Variants in ELF4 observed in about 807,000 individuals in gnomAD.
ELF4 encodes the protein ETS-related transcription factor Elf-4.
ELF4 carries 10 observed loss-of-function variants against 31.7 expected under a neutral mutation model. The ratio of observed to expected loss-of-function variants is 0.32; its 90% confidence interval spans 0.19 to 0.54. The LOEUF is 0.54. Ranked by LOEUF, ELF4 falls within the 20% of genes least tolerant of loss-of-function variation. ELF4 has a pLI of 0.95. For synonymous variants in ELF4, 208 were observed against 226.7 expected, an observed-to-expected ratio of 0.92 and a Z score of 0.74; for missense variants, 418 against 522.0, an observed-to-expected ratio of 0.80 and a Z score of 1.94.
intron 2 of ELF4, among the ~76,000 whole-genome samples, chrX:130,078,762 T>TCTACAC (rs1245337715): frequency 1.2e-5 from 1 of 84,886 alleles, no homozygotes; most frequent in African/African-American, 4.6e-5. Context: ...TCTCTCTCTC[T>TCTACAC]ACACACACAC....
intron 1 of ELF4, among the ~76,000 whole-genome samples, chrX:130,083,696 A>C (rs1195482515): frequency 1.8e-5 from 2 of 111,758 alleles, no homozygotes; most frequent in Admixed American, 9.5e-5. Context: ...GGGCAGCAAC[A>C]ACTGTGTTGG....
Position 130,069,482 on chromosome X carries a change from T to C in ELF4, c.1005A>G (p.Ser335=), listed in dbSNP as rs778034452. The C allele has an allele frequency of 4.1e-6, 5 of 1,212,096 alleles. No homozygotes were observed. Among genetic ancestry groups the C allele is most frequent in the African/African-American group, 1.7e-5 (1 of 57,996 alleles). ...CCTTGCCCTGGGGGGCAGATCTGGATGAGACCCTGGAGCTGGTTCGCCGGG... is the reference window on the plus strand; with the variant it reads ...CCTTGCCCTGGGGGGCAGATCTGGACGAGACCCTGGAGCTGGTTCGCCGGG... The part of the protein sequence containing the change: ...STTRRTSSRV[S]SRSAPQGKGS... Residue 335 remains serine, a synonymous_variant, in exon 8 of 9, where the codon TCA becomes TCG. Coordinates refer to ENST00000308167, the MANE Select transcript of ELF4 (RefSeq NM_001421.4).
In ELF4 at chrX:130,066,257, C is replaced by G; in HGVS notation, c.*464G>C. The G allele has an allele frequency of 5.4e-6, 1 of 186,315 alleles. No homozygotes were observed. The highest frequency in any genetic ancestry group is 7.8e-5 in the East Asian group (1 of 12,800). The allele number at this position is 186,315 out of a possible 1,213,427, so 15.4% of individuals were successfully genotyped here. ...ATACACACACCCTTGGAGACAAGAC[C>G]TCACAGCTACAGCCCTGTCCTCCCC... On this transcript the variant is annotated 3_prime_UTR_variant, in exon 9 of 9. Transcript: ENST00000308167.
chrX:130,081,564 CAGTG>C, intron 1 of ELF4, 25 bp from the exon 2 acceptor site: 1 of 439,216 alleles, frequency 2.3e-6, no homozygotes, highest in African/African-American at 2.4e-5. Context: ...GAGATGGGGA[CAGTG>C]AGTAAGTCAC....
At position 130,066,452 on chromosome X, in the gene ELF4, C is replaced by A; in HGVS notation, c.*269G>T. On this transcript the variant is annotated 3_prime_UTR_variant, in exon 9 of 9. Transcript: ENST00000308167. Reference sequence around the variant, plus strand: ...ACCCTGGCCACAAACTTCTGCCTGGCTCAAGGCTTTTTCCCTCCATCACCA... The same window carrying A: ...ACCCTGGCCACAAACTTCTGCCTGGATCAAGGCTTTTTCCCTCCATCACCA... The A allele has an allele frequency of 2.6e-6, 1 of 381,069 alleles. No individual in the cohort carries two copies. The highest frequency in any genetic ancestry group is 4.5e-6 in the Non-Finnish European group (1 of 220,069). 31.4% of individuals were successfully genotyped at this position (381,069 alleles called of 1,213,427 possible). A position where few individuals can be genotyped will look rare whatever the true frequency, so the allele number is the denominator to read the frequency against.
chrX:130,080,890 G>C (rs1165618483), intron 2 of ELF4, among the ~76,000 whole-genome samples: 1 of 112,785 alleles, frequency 8.9e-6, no homozygotes, highest in African/African-American at 3.2e-5. Flanking sequence ...CACTTTGAGA[G>C]AAGAGAAGTG....
chrX:130,093,306 G>GAA (rs5903792), intron 1 of ELF4, among the ~76,000 whole-genome samples: 1 of 90,254 alleles, frequency 1.1e-5, no homozygotes, highest in Non-Finnish European at 2.2e-5. Flanking sequence ...CTCTGTCTCA[G>GAA]AAAAAAAAAA....
chrX:130,081,604 TG>T, intron 1 of ELF4, 65 bp from the exon 2 acceptor site: 1 of 403,077 alleles, frequency 2.5e-6, no homozygotes, highest in Non-Finnish European at 4.4e-6. Context: ...TTGCCAGAAC[TG>T]CCTATGAACC....
At chrX:130,086,031 C>A (rs995086994) in intron 1 of ELF4, among the ~76,000 whole-genome samples, 2 of 111,954 alleles carry the variant, frequency 1.8e-5, no homozygotes, top group Admixed American at 9.5e-5. Flanking sequence ...CACCCATCCA[C>A]AGGACTTGAA....
chrX:130,095,716 A>G lies in ELF4; in HGVS notation c.-209-14177T>C, dbSNP rs1236423351. Among the ~76,000 whole-genome samples, 4 of 111,756 alleles carry G rather than the reference A, an allele frequency of 3.6e-5. No individual in the cohort carries two copies. In the Admixed American group the frequency reaches 3.8e-4, roughly 11 times the overall value. ...GTGGAGGGGGAGCCTTCCAGCTCTGATGATGTGGAGGCCGACTCTTCCTAT... is the reference window on the plus strand; with the variant it reads ...GTGGAGGGGGAGCCTTCCAGCTCTGGTGATGTGGAGGCCGACTCTTCCTAT... On this transcript the variant is annotated intron_variant, in intron 1 of 8. Coordinates refer to ENST00000308167, the MANE Select transcript of ELF4 (RefSeq NM_001421.4).
At position 130,066,395 on chromosome X, in the gene ELF4, A is replaced by C; in HGVS notation, c.*326T>G. 1 of 321,305 alleles carries C rather than the reference A, an allele frequency of 3.1e-6. No homozygotes were observed. Among genetic ancestry groups the C allele is most frequent in the Non-Finnish European group, 5.4e-6 (1 of 183,657 alleles). 26.5% of individuals were successfully genotyped at this position (321,305 alleles called of 1,213,427 possible). A position where few individuals can be genotyped will look rare whatever the true frequency, so the allele number is the denominator to read the frequency against. ...TGCAGCCAGTGAGATAGAGCCAGGT[A>C]GAAGGGCTCTTCTCACAAAGCTGCT... On this transcript the variant is annotated 3_prime_UTR_variant, in exon 9 of 9. Coordinates refer to ENST00000308167, the MANE Select transcript of ELF4 (RefSeq NM_001421.4).
In ELF4 at chrX:130,081,494, C is replaced by A. The variant is rs903064361; in HGVS notation, c.-164G>T. 1 of 559,927 alleles carries A rather than the reference C, an allele frequency of 1.8e-6. No homozygotes were observed. Among genetic ancestry groups the A allele is most frequent in the Non-Finnish European group, 3.0e-6 (1 of 332,878 alleles). 46.1% of individuals were successfully genotyped at this position (559,927 alleles called of 1,213,427 possible). On this transcript the variant is annotated 5_prime_UTR_variant, in exon 2 of 9. Transcript: ENST00000308167. ...GAGCTGGAGTAGGTGGTGGCCTAAG[C>A]CAGGCTCAAGGCTGCATTCTGGGCT...
Position 130,064,005 on chromosome X carries a change from A to ATTATTATT in ELF4, c.*2715_*2716insAATAATAA, listed in dbSNP as rs1314805728. ...TATTATTATTATTATTATTATTATT[A>ATTATTATT]TTATTATACTTTAAGTTCTGGGATA... On this transcript the variant is annotated 3_prime_UTR_variant, in exon 9 of 9. Coordinates refer to ENST00000308167, the MANE Select transcript of ELF4 (RefSeq NM_001421.4). 9.6e-6 allele frequency among the ~76,000 whole-genome samples: 1 copy of ATTATTATT among 104,549 alleles called. No individual in the cohort carries two copies. The highest frequency in any genetic ancestry group is 1.1e-4 in the Admixed American group (1 of 9,153). The allele number at this position is 104,549 out of a possible 115,157, so 90.8% of individuals were successfully genotyped here. A position where few individuals can be genotyped will look rare whatever the true frequency, so the allele number is the denominator to read the frequency against.
chrX:130,108,064 C>T (rs1487101471), intron 1 of ELF4, among the ~76,000 whole-genome samples: 1 of 111,840 alleles, frequency 8.9e-6, no homozygotes, highest in African/African-American at 3.3e-5. Context: ...CAAAATTAGC[C>T]GGGCGTGGTG....
chrX:130,107,907 C>A (rs187480782), intron 1 of ELF4, among the ~76,000 whole-genome samples: 21 of 112,737 alleles, frequency 1.9e-4, no homozygotes, highest in African/African-American at 6.4e-4. Flanking sequence ...CCTAGACAGC[C>A]AGGCTTTAAG....
At position 130,065,419 on chromosome X, in the gene ELF4, C is replaced by G. The variant is rs1357449524; in HGVS notation, c.*1302G>C. The G allele has an allele frequency of 5.8e-6, 1 of 173,906 alleles. No homozygotes were observed. Among genetic ancestry groups the G allele is most frequent in the African/African-American group, 3.0e-5 (1 of 33,810 alleles). The allele number at this position is 173,906 out of a possible 1,213,427, so 14.3% of individuals were successfully genotyped here. The stretch of plus-strand genomic sequence containing the variant: ...CCACGGGAACTCCTGGCTGCCGACT[C>G]CCGTCTTCTTGGTGAAGGAGTCAGG... On this transcript the variant is annotated 3_prime_UTR_variant, in exon 9 of 9. Coordinates refer to ENST00000308167, the MANE Select transcript of ELF4 (RefSeq NM_001421.4).
At chrX:130,102,976 A>G (rs1335586771) in intron 1 of ELF4, among the ~76,000 whole-genome samples, 2 of 100,603 alleles carry the variant, frequency 2.0e-5, no homozygotes, top group Non-Finnish European at 4.0e-5. Context: ...GGAAGGAAGG[A>G]AGGAAGGAAG....
chrX:130,102,940 G>A (rs777705377), intron 1 of ELF4, among the ~76,000 whole-genome samples: 4 of 94,769 alleles, frequency 4.2e-5, no homozygotes, highest in African/African-American at 1.3e-4. Context: ...AGGAGGGAGG[G>A]AGGAAGGAAG....
At position 130,072,237 on chromosome X, in the gene ELF4, G is replaced by A. The variant is rs1255796188; in HGVS notation, c.521C>T (p.Ser174Leu). The A allele has an allele frequency of 8.3e-7, 1 of 1,200,517 alleles. No individual in the cohort carries two copies. Among genetic ancestry groups the A allele is most frequent in the South Asian group, 1.8e-5 (1 of 56,828 alleles). Residue 174 changes from serine (S) to leucine (L), a missense_variant, in exon 5 of 9, where the codon TCA (serine) becomes TTA (leucine). Around this residue, in one of 4 missense-constraint regions of ELF4, gnomAD observed 88 missense variants for 92.4 expected, o/e 0.95. Coordinates refer to ENST00000308167, the MANE Select transcript of ELF4 (RefSeq NM_001421.4). The part of the protein sequence containing the change: ...REESAKKTGK[S>L]KKRIRKTKGN... ...TCTCCCCCACTTACTTCTCTTCTTT[G>A]ATTTCCCAGTCTTCTTGGCACTTTC...
Sources: gnomAD v4.1 joint callset for allele counts (sites outside exome capture counted in the v4.1 genomes callset) on GRCh38, gnomAD v4.1.1 for gene constraint, gnomAD v4.1.1 regional missense constraint, MANE v1.5 for transcripts, NCBI Gene and HGNC (gene_info 2026-07-23, HGNC 2026-07-21) for gene names.